XPR1: variants seen among roughly 807,000 people sequenced by gnomAD.
XPR1 encodes xenotropic and polytropic retrovirus receptor 1.
In XPR1, 28 loss-of-function variants were observed where a neutral mutation model predicts 87.5. That is an observed-to-expected ratio of 0.32 (90% confidence interval 0.24 to 0.44). The LOEUF is 0.44. Among genes scored for constraint, XPR1 ranks in the 20% least tolerant of loss-of-function variants. XPR1 has a pLI of 1.00. For missense variants in XPR1, 559 were observed against 862.3 expected (o/e 0.65, Z 4.41); for synonymous variants, 300 against 306.1 (o/e 0.98, Z 0.21).
At chr1:180,649,886 A>G (rs1042324842) in intron 1 of XPR1, among the ~76,000 whole-genome samples, 11 of 152,074 alleles carry the variant, frequency 7.2e-5, no homozygotes, top group Admixed American at 3.9e-4. Context: ...CAGTCCTCCT[A>G]TATTTAGCCA....
chr1:180,806,730 T>G (rs1650005816), intron 6 of XPR1, among the ~76,000 whole-genome samples, 173 bp downstream of exon 6: 1 of 151,728 alleles, frequency 6.6e-6, no homozygotes, highest in Non-Finnish European at 1.5e-5. Context: ...CATTCTGAAT[T>G]ATAATGTCTT....
intron 4 of XPR1, 103 bp from the exon 5 acceptor site, chr1:180,805,959 T>TAA: frequency 7.8e-7 from 1 of 1,278,618 alleles, no homozygotes; most frequent in Non-Finnish European, 1.1e-6. Flanking sequence ...CTAGAGTACT[T>TAA]AATCTTTGTC....
At chr1:180,839,306 C>G (rs1651422734) in intron 11 of XPR1, among the ~76,000 whole-genome samples, 1 of 152,028 alleles carries the variant, frequency 6.6e-6, no homozygotes, top group African/African-American at 2.4e-5. Context: ...ATTTGATAAC[C>G]AGCCATTGGA....
intron 2 of XPR1, 126 bp from the exon 3 acceptor site, chr1:180,787,625 CTT>C: frequency 3.0e-6 from 2 of 669,422 alleles, no homozygotes; most frequent in South Asian, 4.4e-5. Context: ...TCACAGTTCA[CTT>C]TTTCAGAGAA....
At chr1:180,639,674 G>A (rs192434690) in intron 1 of XPR1, among the ~76,000 whole-genome samples, 1 of 152,232 alleles carries the variant, frequency 6.6e-6, no homozygotes, top group African/African-American at 2.4e-5. Flanking sequence ...TGTGCTTTGT[G>A]GGCTTTTTTT....
At chr1:180,639,037 C>G (rs1654876861) in intron 1 of XPR1, among the ~76,000 whole-genome samples, 1 of 152,170 alleles carries the variant, frequency 6.6e-6, no homozygotes, top group South Asian at 2.1e-4. Flanking sequence ...TGGCTCACAC[C>G]TGTAATCCCA....
chr1:180,660,528 G>A (rs531581282), intron 1 of XPR1, among the ~76,000 whole-genome samples: 90 of 151,984 alleles, frequency 5.9e-4, no homozygotes, highest in African/African-American at 2.1e-3. Context: ...TTTCCCATAG[G>A]TTTTGGTATG....
intron 7 of XPR1, among the ~76,000 whole-genome samples, chr1:180,813,998 T>G (rs1650316066): frequency 6.6e-6 from 1 of 152,222 alleles, no homozygotes; most frequent in Non-Finnish European, 1.5e-5. Flanking sequence ...GTCACTGTCA[T>G]ACTTAACTAT....
At chr1:180,849,242 C>T (rs183439128) in intron 11 of XPR1, among the ~76,000 whole-genome samples, 3 of 152,128 alleles carry the variant, frequency 2.0e-5, no homozygotes, top group African/African-American at 7.2e-5. Flanking sequence ...ATACCAACTC[C>T]GAAAGAAAGG....
chr1:180,632,310 C>G, intron 1 of XPR1, 40 bp downstream of exon 1: 4 of 1,591,028 alleles, frequency 2.5e-6, no homozygotes, highest in Non-Finnish European at 3.4e-6. Context: ...TCGGAGGGGC[C>G]ACCATCTCGC....
intron 2 of XPR1, among the ~76,000 whole-genome samples, chr1:180,739,304 G>T (rs981485657): frequency 6.6e-6 from 1 of 152,078 alleles, no homozygotes; most frequent in Admixed American, 6.6e-5. Context: ...ATTGTCTAGG[G>T]TGATTTCTCT....
chr1:180,873,696 A>T, intron 12 of XPR1, 107 bp from the exon 13 acceptor site: 1 of 1,244,234 alleles, frequency 8.0e-7, no homozygotes, highest in Non-Finnish European at 1.1e-6. Flanking sequence ...GCCTGTGCTT[A>T]TTCGTAGGAC....
chr1:180,696,673 G>A (rs1275248245), intron 2 of XPR1, among the ~76,000 whole-genome samples: 1 of 152,086 alleles, frequency 6.6e-6, no homozygotes, highest in African/African-American at 2.4e-5. Context: ...TCTATGCCTA[G>A]TTTGTTGAGA....
chr1:180,810,215 A>G (rs1244073773), intron 6 of XPR1, among the ~76,000 whole-genome samples: 1 of 152,152 alleles, frequency 6.6e-6, no homozygotes, highest in African/African-American at 2.4e-5. Context: ...TTTTGAGCCT[A>G]CATACACGGG....
At chr1:180,764,909 C>G (rs535828783) in intron 2 of XPR1, among the ~76,000 whole-genome samples, 50 of 151,800 alleles carry the variant, frequency 3.3e-4, no homozygotes, top group South Asian at 1.9e-3. Context: ...CCTCAGCCTC[C>G]TGAGTAGCTG....
intron 6 of XPR1, among the ~76,000 whole-genome samples, chr1:180,810,510 T>C (rs1203333595): frequency 1.3e-5 from 2 of 151,920 alleles, no homozygotes; most frequent in African/African-American, 2.4e-5. Context: ...GTCTGGGAAG[T>C]TGAGGCTTCA....
chr1:180,711,196 A>G (rs1479716268), intron 2 of XPR1, among the ~76,000 whole-genome samples: 1 of 151,784 alleles, frequency 6.6e-6, no homozygotes, highest in African/African-American at 2.4e-5. Flanking sequence ...GACGCTCCTC[A>G]CTTCCCAGAC....
At chr1:180,713,744 CTTTTTAT>C (rs1362679944) in intron 2 of XPR1, among the ~76,000 whole-genome samples, 2 of 152,054 alleles carry the variant, frequency 1.3e-5, no homozygotes, top group African/African-American at 4.8e-5. Context: ...ATTACATATC[CTTTTTAT>C]ATGTTGTTGA....
At chr1:180,855,590 G>A (rs1441213628) in intron 11 of XPR1, among the ~76,000 whole-genome samples, 1 of 151,554 alleles carries the variant, frequency 6.6e-6, no homozygotes, top group Non-Finnish European at 1.5e-5. Flanking sequence ...ACTTAACCCA[G>A]GAGGTAGAGG....
Sources: allele counts gnomAD v4.1 joint callset (sites outside exome capture counted in the v4.1 genomes callset), GRCh38; gene constraint gnomAD v4.1.1; transcripts MANE v1.5; gene names NCBI Gene and HGNC (gene_info 2026-07-23, HGNC 2026-07-21).